MEGF11: variants seen among roughly 807,000 people sequenced by gnomAD.
The protein encoded by MEGF11 is multiple epidermal growth factor-like domains protein 11.
MEGF11 carries 126 observed loss-of-function variants against 146.6 expected under a neutral mutation model. The observed-to-expected ratio is 0.86, with a 90% CI of 0.74 to 1.00. The LOEUF (loss-of-function observed/expected upper bound fraction) is 1.00. MEGF11 is among the 50% of genes least tolerant of loss of function. The probability of loss-of-function intolerance (pLI) is 0.00; values close to 1 mark genes in which losing one functional copy is unlikely to be tolerated. For synonymous variants in MEGF11, 532 were observed against 583.4 expected (o/e 0.91, Z 1.27); for missense variants, 1,509 against 1,521.2 (o/e 0.99, Z 0.13).
chr15:66,073,247 G>A (rs770385992), intron 5 of MEGF11, among the ~76,000 whole-genome samples: 2 of 152,126 alleles, frequency 1.3e-5, no homozygotes, highest in African/African-American at 4.8e-5. Flanking sequence ...CAAATAAATC[G>A]GAAGTCTGGG....
chr15:66,131,611 C>T (rs1045874013), intron 1 of MEGF11, among the ~76,000 whole-genome samples: 2 of 152,162 alleles, frequency 1.3e-5, no homozygotes, highest in African/African-American at 4.8e-5. Flanking sequence ...AGCATGGGCA[C>T]CTCTGGAGGG....
At chr15:65,925,386 T>G (rs1483667132) in intron 13 of MEGF11, among the ~76,000 whole-genome samples, 1 of 152,218 alleles carries the variant, frequency 6.6e-6, no homozygotes, top group African/African-American at 2.4e-5. Context: ...TGGGCCTGTT[T>G]CTGTGGGAGT....
At chr15:66,250,777 C>T (rs1451252739) in intron 1 of MEGF11, among the ~76,000 whole-genome samples, 1 of 152,002 alleles carries the variant, frequency 6.6e-6, no homozygotes. Flanking sequence ...CATGGTGGCC[C>T]ACACCTGTAG....
chr15:66,195,040 G>A (rs1211060082), intron 1 of MEGF11, among the ~76,000 whole-genome samples: 1 of 151,832 alleles, frequency 6.6e-6, no homozygotes, highest in Non-Finnish European at 1.5e-5. Context: ...AGAAAGAAAT[G>A]TATGTCCTCA....
rs147282788 is a variant in MEGF11 at position 66,058,986 on chromosome 15, G to A, written c.394+35416C>T. 1.1e-3 allele frequency among the ~76,000 whole-genome samples: 173 copies of A among 152,160 alleles called. 1 individual carries two copies. Among genetic ancestry groups the A allele is most frequent in the African/African-American group, 3.6e-3 (149 of 41,498 alleles). ...CCCCATCCAGGACTCCCAACCACTC[G>A]GCAATTAAAGGGTTGATCCTTCCCC... On this transcript the variant is annotated intron_variant, in intron 5 of 25. Transcript: ENST00000395614.
At chr15:65,913,144 C>A (rs1169478875) in intron 20 of MEGF11, among the ~76,000 whole-genome samples, 3 of 152,178 alleles carry the variant, frequency 2.0e-5, no homozygotes, top group Non-Finnish European at 4.4e-5. Context: ...CACTCAGACT[C>A]CCAAATAAAA....
At chr15:66,073,143 C>A (rs1307303041) in intron 5 of MEGF11, among the ~76,000 whole-genome samples, 2 of 152,234 alleles carry the variant, frequency 1.3e-5, no homozygotes, top group African/African-American at 4.8e-5. Context: ...GTGCAGTGCA[C>A]CCCCACCTCC....
At chr15:66,221,124 T>A (rs528903642) in intron 1 of MEGF11, among the ~76,000 whole-genome samples, 60 of 150,994 alleles carry the variant, frequency 4.0e-4, no homozygotes, top group South Asian at 1.5e-3. Flanking sequence ...TAAAAAAAAA[T>A]TTTTTTTTTA....
At chr15:66,071,353 T>C (rs1203829222) in intron 5 of MEGF11, among the ~76,000 whole-genome samples, 1 of 152,234 alleles carries the variant, frequency 6.6e-6, no homozygotes, top group African/African-American at 2.4e-5. Context: ...TCTGAGGTCA[T>C]CAGCCAATCA....
chr15:65,903,808 T>C (rs2078553534), intron 24 of MEGF11, among the ~76,000 whole-genome samples: 1 of 152,246 alleles, frequency 6.6e-6, no homozygotes, highest in Admixed American at 6.5e-5. Flanking sequence ...CATGTTTTGG[T>C]AAGTATTGTT....
intron 1 of MEGF11, among the ~76,000 whole-genome samples, chr15:66,204,101 G>C (rs1012828395): frequency 6.6e-6 from 1 of 151,352 alleles, no homozygotes; most frequent in Non-Finnish European, 1.5e-5. Context: ...AAAAAAAAAG[G>C]TTCTACAAAA....
At position 65,930,409 on chromosome 15, in the gene MEGF11, C is replaced by T. The variant is rs575716846; in HGVS notation, c.1408+414G>A. ...CGGGAGCAGGAGAGACAGGTGTGTC[C>T]TCTCCCTCTTTCTCTGCCTGGGGCC... On this transcript the variant is annotated intron_variant, in intron 11 of 25. Coordinates refer to ENST00000395614, the MANE Select transcript of MEGF11 (RefSeq NM_001385028.1). Among the ~76,000 whole-genome samples, 6 of 152,180 alleles carry T rather than the reference C, an allele frequency of 3.9e-5. No individual in the cohort carries two copies. In the South Asian group the frequency reaches 1.0e-3, roughly 26 times the overall value.
At chr15:66,140,490 A>C (rs2089093028) in intron 1 of MEGF11, among the ~76,000 whole-genome samples, 1 of 152,192 alleles carries the variant, frequency 6.6e-6, no homozygotes, top group South Asian at 2.1e-4. Flanking sequence ...ATGAGGTACT[A>C]ACCCTCAATA....
intron 24 of MEGF11, among the ~76,000 whole-genome samples, chr15:65,904,864 A>G (rs1331144660): frequency 2.0e-4 from 30 of 152,196 alleles, no homozygotes; most frequent in Admixed American, 2.0e-3. Context: ...TAGGATATGC[A>G]TTGGGACCTC....
At chr15:66,107,061 C>CG (rs1555471311) in intron 4 of MEGF11, among the ~76,000 whole-genome samples, 1 of 88,474 alleles carries the variant, frequency 1.1e-5, no homozygotes, top group African/African-American at 4.7e-5. Flanking sequence ...CCTACCCCCC[C>CG]ACCAGGTATA....
intron 9 of MEGF11, among the ~76,000 whole-genome samples, chr15:65,963,032 A>G (rs2080921262): frequency 6.6e-6 from 1 of 152,240 alleles, no homozygotes; most frequent in South Asian, 2.1e-4. Context: ...TATACAGGGC[A>G]TGGTTGCCCA....
At chr15:66,240,776 T>C (rs990876434) in intron 1 of MEGF11, among the ~76,000 whole-genome samples, 2 of 152,182 alleles carry the variant, frequency 1.3e-5, no homozygotes, top group African/African-American at 4.8e-5. Context: ...AGGAGATGTC[T>C]TGCATGGGGT....
chr15:66,150,704 C>G (rs776904512), intron 1 of MEGF11, among the ~76,000 whole-genome samples: 6 of 152,090 alleles, frequency 3.9e-5, no homozygotes, highest in Non-Finnish European at 7.4e-5. Context: ...AGGGCAAGAA[C>G]AGTCTTTGAA....
intron 1 of MEGF11, among the ~76,000 whole-genome samples, chr15:66,203,511 A>C (rs11071871): frequency 0.46 from 70,568 of 151,998 alleles, 16,697 homozygotes; most frequent in East Asian, 0.66. Context: ...GTGAGGGTGA[A>C]CTCTCAGGCC....
Sources: gnomAD v4.1 joint callset for allele counts (sites outside exome capture counted in the v4.1 genomes callset) on GRCh38, gnomAD v4.1.1 for gene constraint, MANE v1.5 for transcripts, NCBI Gene and HGNC (gene_info 2026-07-23, HGNC 2026-07-21) for gene names.